The following STAU2 variants were observed in gnomAD, a reference collection of about 807,000 sequenced individuals.
STAU2 encodes the protein double-stranded RNA-binding protein Staufen homolog 2.
In STAU2, 20 loss-of-function variants were observed where a neutral mutation model predicts 65.9. The observed-to-expected ratio is 0.30, with a 90% CI of 0.21 to 0.44. STAU2 has a LOEUF of 0.44. Ranked by LOEUF, STAU2 falls within the 20% of genes least tolerant of loss-of-function variation. STAU2 has a pLI of 1.00. For synonymous variants in STAU2, 232 were observed against 233.9 expected (o/e 0.99, Z 0.07); for missense variants, 558 against 683.9 (o/e 0.82, Z 2.05).
At chr8:73,500,394 ATT>A (rs536656402) in intron 13 of STAU2, among the ~76,000 whole-genome samples, 1 of 150,512 alleles carries the variant, frequency 6.6e-6, no homozygotes, top group Admixed American at 6.6e-5. Context: ...AACTTTGTGA[ATT>A]TTTTTTTTCC....
chr8:73,477,627 T>C (rs1385988166), intron 13 of STAU2, among the ~76,000 whole-genome samples: 2 of 152,118 alleles, frequency 1.3e-5, no homozygotes, highest in South Asian at 2.1e-4. Flanking sequence ...ACAGTTGCCA[T>C]AGTCAGGCTA....
At chr8:73,692,296 C>G (rs60798413) in intron 4 of STAU2, among the ~76,000 whole-genome samples, 29,014 of 151,768 alleles carry the variant, frequency 0.19, 3,015 homozygotes, top group East Asian at 0.37. Context: ...CTCCCAAGTT[C>G]AAGTGATTCT....
chr8:73,556,427 G>A (rs1807767696), intron 12 of STAU2, among the ~76,000 whole-genome samples: 1 of 152,046 alleles, frequency 6.6e-6, no homozygotes, highest in African/African-American at 2.4e-5. Flanking sequence ...ATATATGAAA[G>A]TATCTTGTTT....
At chr8:73,622,136 T>G (rs1224675751) in intron 6 of STAU2, among the ~76,000 whole-genome samples, 1,098 of 62,872 alleles carry the variant, frequency 0.017, 67 homozygotes, top group African/African-American at 0.037. Flanking sequence ...TTTTTTTTTT[T>G]TTTTTTTTTG....
chr8:73,610,639 T>A (rs940683868), intron 9 of STAU2, among the ~76,000 whole-genome samples: 4 of 152,144 alleles, frequency 2.6e-5, no homozygotes, highest in Non-Finnish European at 4.4e-5. Context: ...AGTTATTCCT[T>A]GGACAGCAAA....
intron 13 of STAU2, among the ~76,000 whole-genome samples, chr8:73,494,029 G>T (rs778632712): frequency 2.6e-5 from 4 of 151,710 alleles, no homozygotes; most frequent in Non-Finnish European, 4.4e-5. Context: ...GGTCGTGTGG[G>T]CTGAGATTTA....
intron 13 of STAU2, among the ~76,000 whole-genome samples, chr8:73,521,981 C>A (rs1823067877): frequency 6.6e-6 from 1 of 152,152 alleles, no homozygotes; most frequent in Non-Finnish European, 1.5e-5. Flanking sequence ...GGTTGATTTA[C>A]TAATTCATTC....
intron 3 of STAU2, 28 bp from the exon 4 acceptor site, chr8:73,709,190 T>G (rs1820720619): frequency 6.8e-7 from 1 of 1,467,344 alleles, no homozygotes; most frequent in Non-Finnish European, 9.0e-7. Flanking sequence ...ATAAAGTTTT[T>G]GTGAAGAATG....
At chr8:73,625,939 T>G (rs973459593) in intron 6 of STAU2, among the ~76,000 whole-genome samples, 2 of 152,092 alleles carry the variant, frequency 1.3e-5, no homozygotes, top group Non-Finnish European at 2.9e-5. Context: ...TCTTGTCTAA[T>G]TGCTAGGGGG....
At chr8:73,565,547 T>C (rs1808539920) in intron 12 of STAU2, among the ~76,000 whole-genome samples, 1 of 152,204 alleles carries the variant, frequency 6.6e-6, no homozygotes, top group Non-Finnish European at 1.5e-5. Context: ...AAGTGTTCAG[T>C]GAGCCCACCA....
At chr8:73,465,532 T>C (rs973491028) in intron 13 of STAU2, among the ~76,000 whole-genome samples, 1 of 152,226 alleles carries the variant, frequency 6.6e-6, no homozygotes, top group African/African-American at 2.4e-5. Context: ...GGTGGCTGCA[T>C]ATAATTTTTT....
At chr8:73,602,092 A>G (rs1258541316) in intron 10 of STAU2, among the ~76,000 whole-genome samples, 1 of 151,072 alleles carries the variant, frequency 6.6e-6, no homozygotes, top group Admixed American at 6.6e-5. Flanking sequence ...CTATGACTAC[A>G]TTATAAGTTA....
intron 13 of STAU2, among the ~76,000 whole-genome samples, chr8:73,506,917 AGTT>A (rs1237183931): frequency 6.6e-6 from 1 of 152,222 alleles, no homozygotes; most frequent in Non-Finnish European, 1.5e-5. Flanking sequence ...TGAAGAAACT[AGTT>A]GTTTTGCTTA....
Position 73,614,331 on chromosome 8 carries a change from C to T in STAU2, c.679-375G>A, listed in dbSNP as rs115586376. 4.0e-3 allele frequency among the ~76,000 whole-genome samples: 614 copies of T among 152,214 alleles called. 2 individuals are homozygous for T. Among genetic ancestry groups the T allele is most frequent in the African/African-American group, 0.014 (580 of 41,530 alleles). On this transcript the variant is annotated intron_variant, in intron 8 of 14. Transcript: ENST00000524300. ...ATGATAATTTGTATATAATTACATACCTAACTTCCTCCTATGTACGAGTAA... is the reference window on the plus strand; with the variant it reads ...ATGATAATTTGTATATAATTACATATCTAACTTCCTCCTATGTACGAGTAA...
chr8:73,723,604 C>A (rs570062300), intron 3 of STAU2, among the ~76,000 whole-genome samples: 1 of 152,210 alleles, frequency 6.6e-6, no homozygotes, highest in East Asian at 1.9e-4. Context: ...TTCTATTGCT[C>A]TGCCTTCAAG....
chr8:73,472,339 A>C (rs1428170594), intron 13 of STAU2, among the ~76,000 whole-genome samples: 3 of 152,214 alleles, frequency 2.0e-5, no homozygotes, highest in Admixed American at 2.0e-4. Flanking sequence ...GTGGGTGTAG[A>C]GAGAACAGAA....
intron 6 of STAU2, chr8:73,653,794 A>T (rs1816087562): frequency 2.8e-6 from 1 of 351,414 alleles, no homozygotes; most frequent in Non-Finnish European, 5.5e-6. Context: ...TGACACCTTT[A>T]GGAGTCTTCA....
chr8:73,708,976 A>G (rs1820706366), intron 4 of STAU2, 56 bp downstream of exon 4: 2 of 1,410,700 alleles, frequency 1.4e-6, no homozygotes, highest in Non-Finnish European at 1.8e-6. Context: ...AAAATCTGAG[A>G]TGATAAATCT....
chr8:73,739,166 G>A (rs1806651566), intron 2 of STAU2, among the ~76,000 whole-genome samples: 1 of 148,384 alleles, frequency 6.7e-6, no homozygotes, highest in Non-Finnish European at 1.5e-5. Flanking sequence ...CCAGGAGGCA[G>A]AGGTTGCAGT....
Sources: gnomAD v4.1 joint callset for allele counts (sites outside exome capture counted in the v4.1 genomes callset) on GRCh38, gnomAD v4.1.1 for gene constraint, MANE v1.5 for transcripts, NCBI Gene and HGNC (gene_info 2026-07-23, HGNC 2026-07-21) for gene names.